The following TMC2 variants were observed in gnomAD, a reference collection of about 807,000 sequenced individuals.
TMC2 encodes the protein transmembrane channel-like protein 2.
A neutral mutation model predicts 105.9 loss-of-function variants in TMC2; 102 were observed. The observed-to-expected ratio is 0.96, with a 90% CI of 0.82 to 1.14. The LOEUF (loss-of-function observed/expected upper bound fraction) is 1.14, where lower values mean the gene tolerates loss of function less well. TMC2 is among the 50% of genes most tolerant of loss of function. The pLI is 0.00. For synonymous variants in TMC2, 402 were observed against 422.8 expected (o/e 0.95, Z 0.60); for missense variants, 1,093 against 1,134.3 (o/e 0.96, Z 0.52).
At chr20:2,555,192 T>C (rs191084346) in intron 2 of TMC2, among the ~76,000 whole-genome samples, 1 of 152,316 alleles carries the variant, frequency 6.6e-6, no homozygotes, top group African/African-American at 2.4e-5. Flanking sequence ...GCCATTCTCC[T>C]GCCTCAGCCT....
At chr20:2,565,489 C>T (rs2086057524) in intron 4 of TMC2, among the ~76,000 whole-genome samples, 1 of 146,330 alleles carries the variant, frequency 6.8e-6, no homozygotes, top group African/African-American at 2.4e-5. Flanking sequence ...GTGATATTCC[C>T]ACCTTGGCCT....
intron 7 of TMC2, among the ~76,000 whole-genome samples, chr20:2,585,722 A>G (rs2086227316): frequency 6.6e-6 from 1 of 152,206 alleles, no homozygotes; most frequent in South Asian, 2.1e-4. Flanking sequence ...TCAGGTACTC[A>G]GTGGCTATTG....
At chr20:2,552,469 C>T (rs775025205) in intron 2 of TMC2, among the ~76,000 whole-genome samples, 2 of 152,136 alleles carry the variant, frequency 1.3e-5, no homozygotes, top group Non-Finnish European at 2.9e-5. Flanking sequence ...TTGTAGTCTT[C>T]TTCATATAGC....
At chr20:2,621,738 T>C (rs1235634855) in intron 16 of TMC2, among the ~76,000 whole-genome samples, 1 of 152,198 alleles carries the variant, frequency 6.6e-6, no homozygotes, top group African/African-American at 2.4e-5. Context: ...GGTTGGTGAT[T>C]CTTTCTTCCT....
chr20:2,537,168 G>A (rs1451794774), intron 1 of TMC2, 101 bp from the exon 2 acceptor site: 2 of 1,033,938 alleles, frequency 1.9e-6, no homozygotes, highest in African/African-American at 3.2e-5. Flanking sequence ...CCAGTTTGAG[G>A]CAGCCACAAA....
Position 2,558,478 on chromosome 20 carries a change from C to T in TMC2, c.105C>T (p.Ser35=). Residue 35 remains serine (S), a synonymous_variant, in exon 3 of 20, where the codon TCC becomes TCT. Coordinates refer to ENST00000358864, the MANE Select transcript of TMC2 (RefSeq NM_080751.3). The surrounding 1 kb of genome is among the most constrained non-coding windows in gnomAD (Gnocchi z 4.6). ...PHTGDRLGRR[S]SSKRALKAEG... ...CAGGTGACAGGCTGGGAAGGAGATCCTCAAGCAAGCGGGCTCTCAAAGCCG... is the reference window on the plus strand; with the variant it reads ...CAGGTGACAGGCTGGGAAGGAGATCTTCAAGCAAGCGGGCTCTCAAAGCCG... The T allele has an allele frequency of 6.4e-7, 1 of 1,558,518 alleles. No individual in the cohort carries two copies. The highest frequency in any genetic ancestry group is 8.7e-7 in the Non-Finnish European group (1 of 1,151,332).
chr20:2,641,410 C>A lies in TMC2; in HGVS notation c.*59C>A. ...CTGATCCTCAAGTACCCCAGTTTCA[C>A]ACATACCAAACCAAGGTTCTCTCCC... On this transcript the variant is annotated 3_prime_UTR_variant, in exon 20 of 20. Coordinates refer to ENST00000358864, the MANE Select transcript of TMC2 (RefSeq NM_080751.3). The A allele has an allele frequency of 8.9e-7, 1 of 1,125,228 alleles. No homozygotes were observed. Among genetic ancestry groups the A allele is most frequent in the Non-Finnish European group, 1.3e-6 (1 of 762,668 alleles). 69.7% of individuals were successfully genotyped at this position (1,125,228 alleles called of 1,614,324 possible). A position where few individuals can be genotyped will look rare whatever the true frequency, so the allele number is the denominator to read the frequency against.
At chr20:2,583,592 A>C (rs2086210587) in intron 7 of TMC2, among the ~76,000 whole-genome samples, 1 of 151,866 alleles carries the variant, frequency 6.6e-6, no homozygotes, top group South Asian at 2.1e-4. Flanking sequence ...CCTCCTGAGT[A>C]GCTGGGATTA....
At chr20:2,631,567 T>A (rs1175252093) in intron 17 of TMC2, among the ~76,000 whole-genome samples, 2 of 152,232 alleles carry the variant, frequency 1.3e-5, no homozygotes, top group African/African-American at 4.8e-5. Flanking sequence ...TCTCTTTCAA[T>A]CTTTCAAATA....
intron 7 of TMC2, among the ~76,000 whole-genome samples, chr20:2,589,270 CTGTGTGTGTGTG>C (rs750496572): frequency 1.4e-4 from 16 of 116,352 alleles, no homozygotes; most frequent in East Asian, 3.0e-4. Flanking sequence ...CCTATTTGCC[CTGTGTGTGTGTG>C]TGTGTGTGTG....
At chr20:2,598,538 T>C (rs997903246) in intron 10 of TMC2, among the ~76,000 whole-genome samples, 7 of 151,916 alleles carry the variant, frequency 4.6e-5, no homozygotes, top group Non-Finnish European at 1.0e-4. Context: ...CTTCAGCCTC[T>C]TGAGTAGCTG....
Position 2,567,877 on chromosome 20 carries a change from C to T in TMC2, c.555-4302C>T, listed in dbSNP as rs189783065. Reference sequence around the variant, plus strand: ...AAAACTCAGTGAGTGGGCTCAACAACAGAATGAAGAGAACAGAGTAAAAAC... The same window carrying T: ...AAAACTCAGTGAGTGGGCTCAACAATAGAATGAAGAGAACAGAGTAAAAAC... On this transcript the variant is annotated intron_variant, in intron 4 of 19. Coordinates refer to ENST00000358864, the MANE Select transcript of TMC2 (RefSeq NM_080751.3). 1.3e-4 allele frequency among the ~76,000 whole-genome samples: 20 copies of T among 152,110 alleles called. No individual in the cohort carries two copies. In the East Asian group the frequency reaches 3.9e-3, roughly 29 times the overall value.
At chr20:2,618,221 G>A (rs1381021699) in intron 16 of TMC2, 1 of 152,690 alleles carries the variant, frequency 6.5e-6, no homozygotes, top group Admixed American at 6.6e-5. Context: ...ACCTCCATGA[G>A]ATCCACTTTT....
chr20:2,562,045 T>C (rs556560137), intron 4 of TMC2, 35 bp downstream of exon 4: 4 of 1,600,612 alleles, frequency 2.5e-6, no homozygotes, highest in South Asian at 2.3e-5. Context: ...GGCCTTCCGA[T>C]GTCCACAGCT....
At chr20:2,631,630 T>C (rs1291177723) in intron 17 of TMC2, among the ~76,000 whole-genome samples, 1 of 152,196 alleles carries the variant, frequency 6.6e-6, no homozygotes, top group Non-Finnish European at 1.5e-5. Context: ...AACAATTGAC[T>C]GTTAATCTTT....
rs2122824083 is a variant in TMC2 at position 2,558,119 on chromosome 20, A to G, written c.83-337A>G. 2 of 300,310 alleles carry G rather than the reference A, an allele frequency of 6.7e-6. No individual in the cohort carries two copies. Among genetic ancestry groups the G allele is most frequent in the African/African-American group, 2.2e-5 (1 of 45,654 alleles). 18.6% of individuals were successfully genotyped at this position (300,310 alleles called of 1,614,324 possible). A position where few individuals can be genotyped will look rare whatever the true frequency, so the allele number is the denominator to read the frequency against. ...ATGTCATGGTAATCAACCAGGGGGA[A>G]GTAGCAAGGCCTGTTTGTTCCGATT... On this transcript the variant is annotated intron_variant, in intron 2 of 19. Transcript: ENST00000358864. This position sits in a 1 kb window ranked among gnomAD's most constrained non-coding sequence, Gnocchi z 4.6.
chr20:2,598,046 T>C (rs192370990), intron 10 of TMC2, among the ~76,000 whole-genome samples: 1 of 152,242 alleles, frequency 6.6e-6, no homozygotes, highest in Non-Finnish European at 1.5e-5. Context: ...CCCAAGTGAT[T>C]AGAATACTCA....
intron 12 of TMC2, 44 bp downstream of exon 12, chr20:2,610,642 C>A: frequency 8.1e-7 from 1 of 1,232,098 alleles, no homozygotes. Flanking sequence ...TTCCTGGTGC[C>A]CATAGTATTT....
At chr20:2,636,494 G>GCACACACACACACACA (rs1568532812) in intron 18 of TMC2, among the ~76,000 whole-genome samples, 1 of 71,722 alleles carries the variant, frequency 1.4e-5, no homozygotes, top group Non-Finnish European at 3.2e-5. Context: ...ACACACACAC[G>GCACACACACACACACA]CACACACCCT....
Sources: gnomAD v4.1 joint callset for allele counts (sites outside exome capture counted in the v4.1 genomes callset) on GRCh38, gnomAD v4.1.1 for gene constraint, Gnocchi (gnomAD v3.1) non-coding constraint, MANE v1.5 for transcripts, NCBI Gene and HGNC (gene_info 2026-07-23, HGNC 2026-07-21) for gene names.